Variants in ATF7IP observed in about 807,000 individuals in gnomAD.
ATF7IP encodes the protein activating transcription factor 7 interacting protein.
A neutral mutation model predicts 106.4 loss-of-function variants in ATF7IP; 23 were observed. That is an observed-to-expected ratio of 0.22 (90% CI 0.16 to 0.31). ATF7IP has a LOEUF of 0.31. ATF7IP is among the 10% of genes least tolerant of loss of function. ATF7IP has a pLI of 1.00. For synonymous variants in ATF7IP, 542 were observed against 539.0 expected (o/e 1.01, Z -0.08); for missense variants, 1,334 against 1,524.3 (o/e 0.88, Z 2.08).
chr12:14,412,073 T>C (rs919747291), intron 1 of ATF7IP, among the ~76,000 whole-genome samples: 1 of 152,206 alleles, frequency 6.6e-6, no homozygotes, highest in African/African-American at 2.4e-5. Context: ...CTTGTAACCC[T>C]TGTCTAAGAC....
intron 13 of ATF7IP, among the ~76,000 whole-genome samples, chr12:14,493,866 ATCT>A (rs780180733): frequency 2.6e-5 from 4 of 152,084 alleles, no homozygotes; most frequent in Non-Finnish European, 4.4e-5. Flanking sequence ...GAGCCTCAGT[ATCT>A]TCTTCTGAGG....
intron 13 of ATF7IP, among the ~76,000 whole-genome samples, chr12:14,487,637 C>T (rs1944667560): frequency 1.3e-5 from 2 of 152,120 alleles, no homozygotes; most frequent in African/African-American, 4.8e-5. Context: ...CTGGTACATG[C>T]CTCTTTTGTT....
At chr12:14,401,147 A>AT (rs1940168622) in intron 1 of ATF7IP, among the ~76,000 whole-genome samples, 1 of 151,800 alleles carries the variant, frequency 6.6e-6, no homozygotes, top group Non-Finnish European at 1.5e-5. Flanking sequence ...ATTTTGATAG[A>AT]TTTTCCACTA....
chr12:14,471,682 A>G (rs2136771543), intron 10 of ATF7IP, among the ~76,000 whole-genome samples: 1 of 152,318 alleles, frequency 6.6e-6, no homozygotes, highest in South Asian at 2.1e-4. Context: ...GAATGAGAGC[A>G]GAGCAAAGCG....
chr12:14,380,550 A>C lies in ATF7IP; in HGVS notation c.-8+14723A>C, dbSNP rs143991664. ...TGATTGCCAGCACTCTGGGAGATTC[A>C]TGAAGGGGACTAGGGATCTCTGCAG... On this transcript the variant is annotated intron_variant, in intron 1 of 14. Transcript: ENST00000261168. 2.9e-4 allele frequency among the ~76,000 whole-genome samples: 44 copies of C among 152,320 alleles called. No individual in the cohort carries two copies. In the East Asian group the frequency reaches 7.7e-3, roughly 27 times the overall value.
intron 1 of ATF7IP, among the ~76,000 whole-genome samples, chr12:14,409,908 T>A (rs74069823): frequency 0.021 from 3,246 of 152,246 alleles, 114 homozygotes; most frequent in African/African-American, 0.074. Flanking sequence ...CTATTTTTTT[T>A]AAAATATCTA....
rs1299202413 is a variant in ATF7IP at position 14,438,249 on chromosome 12, A to C, written c.1911A>C (p.Thr637=). 6.2e-7 allele frequency: 1 copy of C among 1,612,600 alleles called. No individual in the cohort carries two copies. The change falls in exon 5 of 15, where the codon ACA becomes ACC. Residue 637 remains threonine (T), a synonymous_variant. Coordinates refer to ENST00000261168, the MANE Select transcript of ATF7IP (RefSeq NM_018179.5). Reference sequence around the variant, plus strand: ...TTGAATGTAACAAGAGGCATAAAACAGTTCTCACTGAACTACAGGTTTGTA... The same window carrying C: ...TTGAATGTAACAAGAGGCATAAAACCGTTCTCACTGAACTACAGGTTTGTA... ...EKIECNKRHK[T]VLTELQAKIA...
At chr12:14,496,405 T>G in intron 14 of ATF7IP, 62 bp downstream of exon 14, 1 of 1,116,146 alleles carries the variant, frequency 9.0e-7, no homozygotes, top group Non-Finnish European at 1.3e-6. Flanking sequence ...TATTATTGTA[T>G]TTGGCATTTT....
intron 1 of ATF7IP, among the ~76,000 whole-genome samples, chr12:14,387,110 C>A (rs895537786): frequency 1.3e-5 from 2 of 152,124 alleles, no homozygotes; most frequent in Non-Finnish European, 2.9e-5. Flanking sequence ...TTAGTCACTA[C>A]ATTGTAAAAT....
Position 14,424,555 on chromosome 12 carries a change from C to A in ATF7IP, c.640C>A (p.Pro214Thr). The A allele has an allele frequency of 3.7e-6, 6 of 1,614,156 alleles. No homozygotes were observed. The highest frequency in any genetic ancestry group is 5.1e-6 in the Non-Finnish European group (6 of 1,180,018). The change falls in exon 2 of 15, where the codon CCG (proline) becomes ACG (threonine). Residue 214 changes from proline (P) to threonine (T), a missense_variant. This residue lies in a region of ATF7IP where 438 missense variants were observed against 405.3 expected (regional missense o/e 1.08). Coordinates refer to ENST00000261168, the MANE Select transcript of ATF7IP (RefSeq NM_018179.5). ...PTSSDPIPGE[P>T]VPVEPISGDC... Reference sequence around the variant, plus strand: ...CTCTAGTGATCCCATCCCAGGTGAACCGGTCCCTGTTGAACCCATTTCTGG... The same window carrying A: ...CTCTAGTGATCCCATCCCAGGTGAAACGGTCCCTGTTGAACCCATTTCTGG...
chr12:14,406,126 G>T (rs1239677357), intron 1 of ATF7IP, among the ~76,000 whole-genome samples: 1 of 152,100 alleles, frequency 6.6e-6, no homozygotes, highest in Non-Finnish European at 1.5e-5. Flanking sequence ...TTGAGATGGA[G>T]TCTCGCTTTA....
chr12:14,372,725 G>A (rs1938579514), intron 1 of ATF7IP, among the ~76,000 whole-genome samples: 1 of 152,074 alleles, frequency 6.6e-6, no homozygotes, highest in Non-Finnish European at 1.5e-5. Context: ...GGTGATGTGA[G>A]GTAGTAATGC....
chr12:14,478,235 A>G, intron 11 of ATF7IP, 82 bp from the exon 12 acceptor site: 1 of 1,387,148 alleles, frequency 7.2e-7, no homozygotes, highest in Admixed American at 1.8e-5. Flanking sequence ...GGCAAGCAAA[A>G]GTAAAATTTG....
At chr12:14,413,459 C>T (rs1196010475) in intron 1 of ATF7IP, among the ~76,000 whole-genome samples, 1 of 152,100 alleles carries the variant, frequency 6.6e-6, no homozygotes, top group Non-Finnish European at 1.5e-5. Context: ...AAGACAATTG[C>T]TGAACATTCT....
chr12:14,479,111 G>A (rs543688105), intron 12 of ATF7IP, among the ~76,000 whole-genome samples: 63 of 152,152 alleles, frequency 4.1e-4, no homozygotes, highest in African/African-American at 1.5e-3. Flanking sequence ...GTGAAACCCC[G>A]TCTCTACAAA....
rs753445701 is a variant in ATF7IP, at chr12:14,498,169, G to T, written c.*96G>T. 10 of 1,231,910 alleles carry T rather than the reference G, an allele frequency of 8.1e-6. No individual in the cohort carries two copies. The highest frequency in any genetic ancestry group is 1.1e-5 in the Non-Finnish European group (10 of 887,418). 76.3% of individuals were successfully genotyped at this position (1,231,910 alleles called of 1,614,324 possible). A position where few individuals can be genotyped will look rare whatever the true frequency, so the allele number is the denominator to read the frequency against. ...ATACCCCATGTAAAATCCACCTTGT[G>T]CAAGATTTCTTGGACAGATGTGTGT... On this transcript the variant is annotated 3_prime_UTR_variant, in exon 15 of 15. Transcript: ENST00000261168.
At chr12:14,398,743 C>CT (rs1208370352) in intron 1 of ATF7IP, among the ~76,000 whole-genome samples, 3 of 151,360 alleles carry the variant, frequency 2.0e-5, no homozygotes, top group South Asian at 4.2e-4. Flanking sequence ...GGACATATCT[C>CT]TTTTTTTTGT....
intron 7 of ATF7IP, 25 bp from the exon 8 acceptor site, chr12:14,457,182 A>G (rs762120660): frequency 3.8e-6 from 6 of 1,568,306 alleles, no homozygotes; most frequent in Non-Finnish European, 5.3e-6. Flanking sequence ...TCTATTGACT[A>G]TTGGTGTGTA....
At chr12:14,495,714 G>A (rs979649228) in intron 13 of ATF7IP, among the ~76,000 whole-genome samples, 7 of 152,148 alleles carry the variant, frequency 4.6e-5, no homozygotes, top group African/African-American at 1.7e-4. Flanking sequence ...TACATGGCAA[G>A]GATGACTTAT....
Sources: gnomAD v4.1 joint callset for allele counts (sites outside exome capture counted in the v4.1 genomes callset) on GRCh38, gnomAD v4.1.1 for gene constraint, gnomAD v4.1.1 regional missense constraint, MANE v1.5 for transcripts, NCBI Gene and HGNC (gene_info 2026-07-23, HGNC 2026-07-21) for gene names.